EBF2: variants seen among roughly 807,000 people sequenced by gnomAD.
EBF2 encodes the protein EBF transcription factor 2.
A neutral mutation model predicts 72.8 loss-of-function variants in EBF2; 21 were observed. That is an observed-to-expected ratio of 0.29 (90% confidence interval 0.20 to 0.42). The LOEUF is 0.42. EBF2 is among the 10% of genes least tolerant of loss of function. The pLI, the probability that EBF2 is intolerant of heterozygous loss-of-function variation, is 1.00. For missense variants in EBF2, 637 were observed against 731.2 expected (o/e 0.87, Z 1.49); for synonymous variants, 299 against 274.2 (o/e 1.09, Z -0.89).
chr8:25,866,041 T>A (rs1802308284), intron 10 of EBF2, among the ~76,000 whole-genome samples: 1 of 151,798 alleles, frequency 6.6e-6, no homozygotes, highest in East Asian at 2.0e-4. Context: ...AAAAAAATCT[T>A]AACTGAAAGT....
intron 6 of EBF2, among the ~76,000 whole-genome samples, chr8:25,938,033 A>C (rs758007209): frequency 2.2e-4 from 33 of 152,278 alleles, no homozygotes; most frequent in Non-Finnish European, 3.5e-4. Flanking sequence ...TAGTACAGAG[A>C]TCTGAAAAAA....
chr8:26,039,716 C>A (rs1805566179), intron 5 of EBF2, among the ~76,000 whole-genome samples: 1 of 152,242 alleles, frequency 6.6e-6, no homozygotes, highest in Non-Finnish European at 1.5e-5. Context: ...CCAAACCCGG[C>A]CCGGGGTTGC....
intron 6 of EBF2, among the ~76,000 whole-genome samples, chr8:25,976,744 T>C (rs1462779692): frequency 6.6e-6 from 1 of 152,224 alleles, no homozygotes; most frequent in Admixed American, 6.5e-5. Context: ...TTAGGGTTGC[T>C]TGTGTTGGAA....
intron 10 of EBF2, among the ~76,000 whole-genome samples, chr8:25,865,572 G>A (rs957908426): frequency 1.3e-5 from 2 of 151,990 alleles, no homozygotes; most frequent in African/African-American, 2.4e-5. Flanking sequence ...TCCTCAGCAC[G>A]GTGCTTGGCA....
chr8:26,041,514 CT>C (rs1302340064), intron 2 of EBF2: 2 of 168,306 alleles, frequency 1.2e-5, no homozygotes, highest in Non-Finnish European at 2.6e-5. Flanking sequence ...CATTGTACAG[CT>C]GGGGACACGG....
rs1433291266 is a variant in EBF2, at chr8:25,887,799, T to C, written c.882+43A>G. ...CTAGTTTCCCAGATCAAAACAATCT[T>C]TGGGCAAAAGGAAATCAGAGTAAGC... On this transcript the variant is annotated intron_variant, in intron 9 of 15. Coordinates refer to ENST00000520164, the MANE Select transcript of EBF2 (RefSeq NM_022659.4). 4.7e-6 allele frequency: 7 copies of C among 1,495,604 alleles called. No individual in the cohort carries two copies. The East Asian group carries it at 9.4e-5, about 20-fold the overall frequency. 92.6% of individuals were successfully genotyped at this position (1,495,604 alleles called of 1,614,324 possible).
At chr8:25,858,649 AG>A in intron 13 of EBF2, 145 bp from the exon 14 acceptor site, 2 of 214,050 alleles carry the variant, frequency 9.3e-6, no homozygotes, top group Non-Finnish European at 1.7e-5. Context: ...GTCCATCTTT[AG>A]CTTTTTTTTT....
intron 6 of EBF2, among the ~76,000 whole-genome samples, chr8:25,986,431 C>G (rs1357595903): frequency 6.6e-6 from 1 of 152,158 alleles, no homozygotes; most frequent in Non-Finnish European, 1.5e-5. Context: ...AACTGTCACC[C>G]TCCCTAGATT....
chr8:25,940,209 A>C (rs1317147766), intron 6 of EBF2, among the ~76,000 whole-genome samples: 1 of 152,224 alleles, frequency 6.6e-6, no homozygotes, highest in Non-Finnish European at 1.5e-5. Flanking sequence ...TAGTGGCAGA[A>C]CCAGGGTTGC....
At chr8:25,858,561 T>A in intron 13 of EBF2, 57 bp from the exon 14 acceptor site, 4 of 1,565,328 alleles carry the variant, frequency 2.6e-6, no homozygotes, top group Non-Finnish European at 3.5e-6. Flanking sequence ...TCAGGCCACA[T>A]GTGGCTAGCA....
At chr8:25,859,734 T>TTTTTTG (rs1183390975) in intron 13 of EBF2, among the ~76,000 whole-genome samples, 1 of 151,106 alleles carries the variant, frequency 6.6e-6, no homozygotes, top group African/African-American at 2.5e-5. Context: ...TTTTTTTTTT[T>TTTTTTG]GAGACAAGAT....
intron 6 of EBF2, among the ~76,000 whole-genome samples, chr8:25,980,933 C>T (rs1242158394): frequency 1.4e-5 from 2 of 148,044 alleles, no homozygotes; most frequent in South Asian, 2.2e-4. Flanking sequence ...GTAACTGTGA[C>T]CTGTCCTGGG....
intron 15 of EBF2, among the ~76,000 whole-genome samples, chr8:25,849,894 GTA>G (rs879515434): frequency 0.013 from 1,921 of 152,272 alleles, 102 homozygotes; most frequent in Admixed American, 0.088. Context: ...TCCTGTCCAT[GTA>G]TGCCAAGAGG....
intron 7 of EBF2, among the ~76,000 whole-genome samples, chr8:25,900,006 T>C (rs867233733): frequency 1.3e-5 from 2 of 152,176 alleles, no homozygotes; most frequent in South Asian, 4.1e-4. Context: ...CCAGGTGTGT[T>C]TTCAAAAAGC....
chr8:25,846,912 C>G (rs117656978), intron 15 of EBF2, among the ~76,000 whole-genome samples: 2 of 152,212 alleles, frequency 1.3e-5, no homozygotes, highest in African/African-American at 4.8e-5. Flanking sequence ...AGGCAACAGA[C>G]AGAAAGTAAT....
intron 6 of EBF2, among the ~76,000 whole-genome samples, chr8:25,922,070 T>C (rs1282647449): frequency 6.6e-6 from 1 of 152,168 alleles, no homozygotes; most frequent in Admixed American, 6.5e-5. Context: ...GATTTCTCAC[T>C]CCAGGTTCAA....
chr8:25,895,471 GT>G (rs1802851127), intron 7 of EBF2, among the ~76,000 whole-genome samples: 1 of 152,180 alleles, frequency 6.6e-6, no homozygotes, highest in African/African-American at 2.4e-5. Context: ...GGCAATGTTA[GT>G]TGGTTATACA....
In EBF2 at chr8:26,045,234, T is replaced by C. The variant is rs1585240369; in HGVS notation, c.-375A>G. The stretch of plus-strand genomic sequence containing the variant: ...ATGGCTGCCTAATCTCTCCCCTTCC[T>C]CCAGGTCCCCCCTCCCTGCTCCTCC... On this transcript the variant is annotated 5_prime_UTR_variant, in exon 1 of 16. Coordinates refer to ENST00000520164, the MANE Select transcript of EBF2 (RefSeq NM_022659.4). 6.4e-6 allele frequency: 1 copy of C among 155,084 alleles called. No homozygotes were observed. Among genetic ancestry groups the C allele is most frequent in the Non-Finnish European group, 1.4e-5 (1 of 71,190 alleles). The allele number at this position is 155,084 out of a possible 1,614,324, so 9.6% of individuals were successfully genotyped here.
rs1043617211 is a variant in EBF2, at chr8:26,012,995, A to G, written c.551+20090T>C. Among the ~76,000 whole-genome samples, 28 of 152,162 alleles carry G rather than the reference A, an allele frequency of 1.8e-4. 1 individual carries two copies. Among genetic ancestry groups the G allele is most frequent in the African/African-American group, 6.8e-4 (28 of 41,442 alleles). On this transcript the variant is annotated intron_variant, in intron 6 of 15. Transcript: ENST00000520164. Reference sequence around the variant, plus strand: ...GCAGAGTAGTGGGAGTTGGTGGGGGATTGGAAATATAGACAATCAACAAGT... The same window carrying G: ...GCAGAGTAGTGGGAGTTGGTGGGGGGTTGGAAATATAGACAATCAACAAGT...
Sources: allele counts gnomAD v4.1 joint callset (sites outside exome capture counted in the v4.1 genomes callset), GRCh38; gene constraint gnomAD v4.1.1; transcripts MANE v1.5; gene names NCBI Gene and HGNC (gene_info 2026-07-23, HGNC 2026-07-21).